TENM2: variants seen among roughly 807,000 people sequenced by gnomAD.
TENM2 encodes teneurin-2.
TENM2 carries 52 observed loss-of-function variants against 245.2 expected under a neutral mutation model. That is an observed-to-expected ratio of 0.21 (90% CI 0.17 to 0.27). TENM2 has a LOEUF of 0.27. Among genes scored for constraint, TENM2 ranks in the 10% least tolerant of loss-of-function variants. TENM2 has a pLI of 1.00. For missense variants in TENM2, 3,046 were observed against 3,666.8 expected, an observed-to-expected ratio of 0.83 and a Z score of 4.37; for synonymous variants, 1,363 against 1,438.9, an observed-to-expected ratio of 0.95 and a Z score of 1.19.
intron 2 of TENM2, among the ~76,000 whole-genome samples, chr5:167,499,696 C>G (rs939625489): frequency 6.6e-6 from 1 of 152,088 alleles, no homozygotes; most frequent in African/African-American, 2.4e-5. Flanking sequence ...AGATGGATGT[C>G]GTGACTCTCC....
chr5:167,229,858 A>G, the TENM2 span, among the ~76,000 whole-genome samples: 1 of 152,162 alleles, frequency 6.6e-6, no homozygotes, highest in Non-Finnish European at 1.5e-5. Context: ...GCTACAAGGG[A>G]GGGCAGGATT....
intron 2 of TENM2, among the ~76,000 whole-genome samples, chr5:167,469,637 G>A (rs1766887642): frequency 6.6e-6 from 1 of 152,034 alleles, no homozygotes; most frequent in Non-Finnish European, 1.5e-5. Context: ...CATTTCTGCA[G>A]TTACTTTTCT....
chr5:167,145,250 C>T, the TENM2 span, among the ~76,000 whole-genome samples: 2 of 152,114 alleles, frequency 1.3e-5, no homozygotes, highest in Non-Finnish European at 2.9e-5. Flanking sequence ...GGCTATTACT[C>T]AATCAGCGCA....
chr5:167,293,279 G>C (rs1334689646), intron 1 of TENM2, among the ~76,000 whole-genome samples: 3 of 152,034 alleles, frequency 2.0e-5, no homozygotes, highest in African/African-American at 7.2e-5. Context: ...TCTGCTCACA[G>C]CAATCTCCGC....
chr5:167,190,694 T>C, the TENM2 span, among the ~76,000 whole-genome samples: 1 of 152,110 alleles, frequency 6.6e-6, no homozygotes, highest in East Asian at 1.9e-4. Flanking sequence ...TACAAGTATT[T>C]TGAAAGCTTA....
chr5:167,531,860 T>C (rs1404363967), intron 2 of TENM2, among the ~76,000 whole-genome samples: 1 of 152,196 alleles, frequency 6.6e-6, no homozygotes, highest in Non-Finnish European at 1.5e-5. Flanking sequence ...CTCAGACATT[T>C]CTCTGTCCAT....
At chr5:167,603,695 A>T (rs984057693) in intron 2 of TENM2, among the ~76,000 whole-genome samples, 1 of 152,174 alleles carries the variant, frequency 6.6e-6, no homozygotes, top group Non-Finnish European at 1.5e-5. Context: ...ACAAAATAAA[A>T]TAAGAGTAGT....
intron 2 of TENM2, among the ~76,000 whole-genome samples, chr5:167,606,242 C>T (rs949387510): frequency 2.0e-5 from 3 of 152,134 alleles, no homozygotes; most frequent in Non-Finnish European, 2.9e-5. Flanking sequence ...AACAAAAGAT[C>T]ATAGACTGGG....
the TENM2 span, among the ~76,000 whole-genome samples, chr5:167,054,262 A>T: frequency 6.6e-6 from 1 of 152,138 alleles, no homozygotes; most frequent in East Asian, 1.9e-4. Flanking sequence ...CCATTTCTTC[A>T]GCGTTGTATA....
chr5:167,896,481 A>G (rs929654774), intron 3 of TENM2, among the ~76,000 whole-genome samples: 2 of 152,226 alleles, frequency 1.3e-5, no homozygotes, highest in African/African-American at 4.8e-5. Context: ...GCTTCCAACC[A>G]TTCTTCAGGC....
chr5:167,051,878 C>G, the TENM2 span, among the ~76,000 whole-genome samples: 1 of 152,154 alleles, frequency 6.6e-6, no homozygotes, highest in Non-Finnish European at 1.5e-5. Flanking sequence ...TTGCAGATAT[C>G]AAAGAAAATT....
Position 167,705,212 on chromosome 5 carries a change from T to C in TENM2, c.503-170774T>C, listed in dbSNP as rs146439027. 6.8e-3 allele frequency among the ~76,000 whole-genome samples: 1,032 copies of C among 152,306 alleles called. 12 individuals carry two copies. The highest frequency in any genetic ancestry group is 0.024 in the African/African-American group (979 of 41,580). On this transcript the variant is annotated intron_variant, in intron 2 of 28. Coordinates refer to ENST00000518659, the Ensembl canonical transcript of TENM2. ...CCTATAGTAACCCTTTTAGCAAATA[T>C]GGTTGTCATGTTCCTGCTGCATATG...
intron 2 of TENM2, among the ~76,000 whole-genome samples, chr5:167,608,159 A>G (rs1777191893): frequency 6.6e-6 from 1 of 152,142 alleles, no homozygotes; most frequent in Non-Finnish European, 1.5e-5. Flanking sequence ...TTTTACTTAT[A>G]ATGCATAATA....
At chr5:167,622,195 T>C (rs531827244) in intron 2 of TENM2, among the ~76,000 whole-genome samples, 13 of 152,264 alleles carry the variant, frequency 8.5e-5, no homozygotes, top group African/African-American at 2.4e-4. Flanking sequence ...TATTTGATTT[T>C]ATTATCAAAA....
At chr5:168,261,601 G>A (rs1218333940) in intron 28 of TENM2, among the ~76,000 whole-genome samples, 1 of 152,216 alleles carries the variant, frequency 6.6e-6, no homozygotes, top group Non-Finnish European at 1.5e-5. Flanking sequence ...CTAGCTTACA[G>A]TGGTGGGGTT....
intron 2 of TENM2, among the ~76,000 whole-genome samples, chr5:167,489,828 G>A (rs1397877698): frequency 6.6e-6 from 1 of 152,136 alleles, no homozygotes; most frequent in Non-Finnish European, 1.5e-5. Context: ...AGTAATACCT[G>A]AGAAAGTTCT....
chr5:167,518,267 T>G (rs1468560370), intron 2 of TENM2, among the ~76,000 whole-genome samples: 1 of 152,180 alleles, frequency 6.6e-6, no homozygotes, highest in Non-Finnish European at 1.5e-5. Flanking sequence ...AATGACGCCA[T>G]GACAGGTGAC....
chr5:167,041,546 A>G, the TENM2 span, among the ~76,000 whole-genome samples: 2 of 152,242 alleles, frequency 1.3e-5, no homozygotes, highest in Non-Finnish European at 2.9e-5. Context: ...CTAGGAAAGC[A>G]GAAACATCAA....
At chr5:168,089,702 C>A (rs897603950) in intron 7 of TENM2, among the ~76,000 whole-genome samples, 8 of 152,170 alleles carry the variant, frequency 5.3e-5, no homozygotes, top group Non-Finnish European at 1.2e-4. Context: ...AGAAAAGTTG[C>A]TTGACTTCTC....
Sources: allele counts gnomAD v4.1 joint callset (sites outside exome capture counted in the v4.1 genomes callset), GRCh38; gene constraint gnomAD v4.1.1; transcripts MANE v1.5; gene names NCBI Gene and HGNC (gene_info 2026-07-23, HGNC 2026-07-21).